Variants in KIAA0586 observed in about 807,000 individuals in gnomAD.
The protein encoded by KIAA0586 is protein TALPID3.
Under a neutral mutation model 169.8 loss-of-function variants are expected in KIAA0586, and 144 were observed. The observed-to-expected ratio is 0.85, with a 90% confidence interval of 0.74 to 0.97. The LOEUF is 0.97. Ranked by LOEUF, KIAA0586 falls within the 50% of genes least tolerant of loss-of-function variation. The pLI is 0.00. For missense variants in KIAA0586, 1,854 were observed against 1,823.0 expected (o/e 1.02, Z -0.31); for synonymous variants, 625 against 612.4 (o/e 1.02, Z -0.30).
At chr14:58,533,824 C>G (rs769794148) in intron 29 of KIAA0586, among the ~76,000 whole-genome samples, 15 of 152,110 alleles carry the variant, frequency 9.9e-5, no homozygotes, top group Admixed American at 3.9e-4. Context: ...CTCCCTCTCT[C>G]CCCCTTGCCC....
At chr14:58,520,956 C>A in intron 29 of KIAA0586, 1 of 208,492 alleles carries the variant, frequency 4.8e-6, no homozygotes, top group Non-Finnish European at 9.6e-6. Flanking sequence ...ACATAAAGTA[C>A]CATAGAAAGT....
chr14:58,498,729 G>C (rs1171400957), intron 26 of KIAA0586, 54 bp from the exon 27 acceptor site: 1 of 1,489,162 alleles, frequency 6.7e-7, no homozygotes, highest in Admixed American at 2.2e-5. Flanking sequence ...AAGATTTCCT[G>C]TTTTGACTTG....
downstream of KIAA0586, among the ~76,000 whole-genome samples, chr14:58,554,449 A>G (rs895032147): frequency 6.6e-6 from 1 of 152,142 alleles, no homozygotes; most frequent in Non-Finnish European, 1.5e-5. Context: ...TCTGCACAAA[A>G]CCATATGCTA....
chr14:58,437,541 T>A (rs546806914), intron 4 of KIAA0586, among the ~76,000 whole-genome samples: 134 of 151,612 alleles, frequency 8.8e-4, no homozygotes, highest in African/African-American at 3.1e-3. Flanking sequence ...CAAGACCCCA[T>A]CTCTAAAAAC....
chr14:58,554,085 A>G (rs1399018612), downstream of KIAA0586, among the ~76,000 whole-genome samples: 1 of 152,144 alleles, frequency 6.6e-6, no homozygotes, highest in African/African-American at 2.4e-5. Flanking sequence ...GGCTAGCCCA[A>G]GTCCATTTAT....
At chr14:58,430,841 C>T (rs1034084000) in intron 3 of KIAA0586, 124 bp downstream of exon 3, 98 of 582,226 alleles carry the variant, frequency 1.7e-4, no homozygotes, top group Admixed American at 1.2e-3. Flanking sequence ...TCATCATCAC[C>T]TTTCATATCC....
chr14:58,530,194 A>G lies in KIAA0586; in HGVS notation c.4430-9877A>G, dbSNP rs146536285. Among the ~76,000 whole-genome samples, 8 of 152,230 alleles carry G rather than the reference A, an allele frequency of 5.3e-5. No individual in the cohort carries two copies. In the East Asian group the frequency reaches 1.5e-3, roughly 29 times the overall value. On this transcript the variant is annotated intron_variant, in intron 29 of 30. Coordinates refer to ENST00000652326, the MANE Select transcript of KIAA0586 (RefSeq NM_001329943.3). Reference sequence around the variant, plus strand: ...CAAACCACTGCTCAAGGAAATAAGGACACAAACAAATGGCAAAACATTCCA... The same window carrying G: ...CAAACCACTGCTCAAGGAAATAAGGGCACAAACAAATGGCAAAACATTCCA...
Position 58,435,161 on chromosome 14 carries a change from A to G in KIAA0586, c.410+2704A>G, listed in dbSNP as rs1009743970. On this transcript the variant is annotated intron_variant, in intron 4 of 30. Transcript: ENST00000652326. ...ATAATGTTTCAAGCTTAAGGAATAG[A>G]AGGGTTTAAGTCACCCAGGCAGTCT... Among the ~76,000 whole-genome samples the G allele has an allele frequency of 3.3e-5, 5 of 152,184 alleles. No homozygotes were observed. In the South Asian group the frequency reaches 8.3e-4, roughly 25 times the overall value.
At chr14:58,446,586 TTA>T (rs1295571874) in intron 6 of KIAA0586, among the ~76,000 whole-genome samples, 2 of 152,054 alleles carry the variant, frequency 1.3e-5, no homozygotes, top group African/African-American at 4.8e-5. Context: ...ACTTTCTAAA[TTA>T]TATATTTTTT....
chr14:58,500,238 ATCTGGTTTTATTTATGTT>A (rs1672230293), intron 27 of KIAA0586, among the ~76,000 whole-genome samples: 1 of 152,198 alleles, frequency 6.6e-6, no homozygotes, highest in African/African-American at 2.4e-5. Flanking sequence ...TCAATACATA[ATCTGGTTTTATTTATGTT>A]TCTGTTTAAA....
intron 19 of KIAA0586, among the ~76,000 whole-genome samples, chr14:58,475,278 T>C (rs2041522308): frequency 1.3e-5 from 2 of 152,150 alleles, no homozygotes; most frequent in South Asian, 2.1e-4. Flanking sequence ...ACAAACCCTA[T>C]TGTAAACTGT....
chr14:58,520,259 A>G (rs1296143952), intron 29 of KIAA0586, among the ~76,000 whole-genome samples: 1 of 152,198 alleles, frequency 6.6e-6, no homozygotes, highest in Non-Finnish European at 1.5e-5. Context: ...AGTATATGCA[A>G]AAAGTTGCTG....
chr14:58,530,542 T>G (rs2045891962), intron 29 of KIAA0586, among the ~76,000 whole-genome samples: 2 of 152,060 alleles, frequency 1.3e-5, no homozygotes, highest in Admixed American at 1.3e-4. Context: ...ACACCACACA[T>G]CTACAGCCAT....
chr14:58,463,245 A>T (rs1253574291), intron 14 of KIAA0586, among the ~76,000 whole-genome samples: 1 of 152,170 alleles, frequency 6.6e-6, no homozygotes, highest in African/African-American at 2.4e-5. Context: ...TCACTCTGCC[A>T]TATTGTTCTT....
chr14:58,447,385 A>G lies in KIAA0586; in HGVS notation c.808-955A>G, dbSNP rs189666893. ...TACTCACAAAAATTAAAACAAAACA[A>G]TAAAACCCTCTTTTTTGAAACCAGT... On this transcript the variant is annotated intron_variant, in intron 6 of 30. Coordinates refer to ENST00000652326, the MANE Select transcript of KIAA0586 (RefSeq NM_001329943.3). Among the ~76,000 whole-genome samples the G allele has an allele frequency of 9.3e-4, 142 of 152,198 alleles. 1 individual carries two copies. The highest frequency in any genetic ancestry group is 3.7e-3 in the Admixed American group (57 of 15,296).
chr14:58,450,502 A>T, intron 7 of KIAA0586, 77 bp from the exon 8 acceptor site: 1 of 769,072 alleles, frequency 1.3e-6, no homozygotes. Context: ...TTTTTAAAGT[A>T]TAGGCAAGAG....
chr14:58,456,243 T>C (rs2039839556), intron 9 of KIAA0586, among the ~76,000 whole-genome samples: 1 of 152,170 alleles, frequency 6.6e-6, no homozygotes, highest in Non-Finnish European at 1.5e-5. Context: ...TCCATAAAGC[T>C]TGCTCTTCTT....
chr14:58,533,937 T>A (rs2046134786), intron 29 of KIAA0586, among the ~76,000 whole-genome samples: 1 of 152,238 alleles, frequency 6.6e-6, no homozygotes, highest in South Asian at 2.1e-4. Flanking sequence ...AAAGCTCATT[T>A]TTCATTCTTT....
At chr14:58,542,244 C>T (rs1027189590) in intron 30 of KIAA0586, among the ~76,000 whole-genome samples, 10 of 151,872 alleles carry the variant, frequency 6.6e-5, no homozygotes, top group Non-Finnish European at 1.2e-4. Context: ...TTTGAGAGGC[C>T]GAGGTGGGCA....
Sources: allele counts gnomAD v4.1 joint callset (sites outside exome capture counted in the v4.1 genomes callset), GRCh38; gene constraint gnomAD v4.1.1; transcripts MANE v1.5; gene names NCBI Gene and HGNC (gene_info 2026-07-23, HGNC 2026-07-21).